The following HECW2 variants were observed in gnomAD, a reference collection of about 807,000 sequenced individuals.
HECW2 encodes E3 ubiquitin-protein ligase HECW2.
HECW2 carries 61 observed loss-of-function variants against 175.2 expected under a neutral mutation model. The observed-to-expected ratio is 0.35, with a 90% CI of 0.28 to 0.43. HECW2 has a LOEUF of 0.43. Ranked by LOEUF, HECW2 falls within the 20% of genes least tolerant of loss-of-function variation. The pLI, the probability that HECW2 is intolerant of heterozygous loss-of-function variation, is 1.00. For synonymous variants in HECW2, 671 were observed against 731.0 expected, an observed-to-expected ratio of 0.92 and a Z score of 1.32; for missense variants, 1,524 against 2,000.5, an observed-to-expected ratio of 0.76 and a Z score of 4.54.
chr2:196,366,156 T>A (rs1335825794), intron 2 of HECW2, among the ~76,000 whole-genome samples: 1 of 152,314 alleles, frequency 6.6e-6, no homozygotes, highest in South Asian at 2.1e-4. Flanking sequence ...AGGAACTTGA[T>A]CAAGGGAGCA....
chr2:196,435,958 C>CT (rs1291813810), intron 1 of HECW2, among the ~76,000 whole-genome samples: 2 of 152,198 alleles, frequency 1.3e-5, no homozygotes, highest in Admixed American at 6.5e-5. Context: ...TTAATACTCC[C>CT]ATAATTCCCA....
chr2:196,238,244 A>G (rs1291154475), intron 21 of HECW2, among the ~76,000 whole-genome samples: 3 of 152,028 alleles, frequency 2.0e-5, no homozygotes, highest in Non-Finnish European at 4.4e-5. Context: ...ACAAAACAAA[A>G]CAAAACAAAA....
At chr2:196,360,577 A>G (rs1325700043) in intron 2 of HECW2, among the ~76,000 whole-genome samples, 1 of 151,830 alleles carries the variant, frequency 6.6e-6, no homozygotes, top group Admixed American at 6.6e-5. Context: ...AGAGGATCAG[A>G]AAAAAAAATT....
intron 2 of HECW2, among the ~76,000 whole-genome samples, chr2:196,364,722 A>G (rs779032559): frequency 1.3e-5 from 2 of 152,264 alleles, no homozygotes; most frequent in Non-Finnish European, 2.9e-5. Flanking sequence ...CACAGAGCTT[A>G]TATTTTAAAG....
Position 196,414,812 on chromosome 2 carries a change from C to T in HECW2, c.292+18320G>A, listed in dbSNP as rs78806213. ...GTGTTCTTGCCCCAACAACTCAAAC[C>T]GTGCAGGTTATTGTCAGCACAGCCC... On this transcript the variant is annotated intron_variant, in intron 2 of 28. Coordinates refer to ENST00000644978, the MANE Select transcript of HECW2 (RefSeq NM_001348768.2). 2.2e-4 allele frequency among the ~76,000 whole-genome samples: 34 copies of T among 152,268 alleles called. No individual in the cohort carries two copies. The East Asian group carries it at 5.8e-3, about 26-fold the overall frequency.
At chr2:196,262,347 A>T (rs1481818781) in intron 17 of HECW2, among the ~76,000 whole-genome samples, 1 of 152,122 alleles carries the variant, frequency 6.6e-6, no homozygotes, top group East Asian at 1.9e-4. Context: ...TTCTTAACAA[A>T]GAAATTCAAT....
At chr2:196,361,696 A>C in intron 2 of HECW2, 1 of 607,174 alleles carries the variant, frequency 1.6e-6, no homozygotes, top group Non-Finnish European at 2.1e-6. Context: ...CTGGGAGGGG[A>C]CCACTTTTAA....
intron 1 of HECW2, among the ~76,000 whole-genome samples, chr2:196,528,061 A>G (rs1478852031): frequency 6.6e-6 from 1 of 152,212 alleles, no homozygotes; most frequent in African/African-American, 2.4e-5. Context: ...TGAGTCCCAT[A>G]GCAGGAACTA....
At chr2:196,486,226 A>C (rs1687000773) in intron 1 of HECW2, among the ~76,000 whole-genome samples, 1 of 152,246 alleles carries the variant, frequency 6.6e-6, no homozygotes, top group Non-Finnish European at 1.5e-5. Context: ...AAAATGTTCT[A>C]GAAGTTCTAG....
intron 1 of HECW2, among the ~76,000 whole-genome samples, chr2:196,530,454 A>C (rs1486836790): frequency 6.6e-6 from 1 of 152,188 alleles, no homozygotes; most frequent in Non-Finnish European, 1.5e-5. Flanking sequence ...TCTCACCTGG[A>C]TTACAGCAAT....
chr2:196,262,833 AC>A (rs919600075), intron 17 of HECW2, among the ~76,000 whole-genome samples: 1 of 152,196 alleles, frequency 6.6e-6, no homozygotes, highest in African/African-American at 2.4e-5. Context: ...AGCTGGGATT[AC>A]AGGCACGAGC....
intron 2 of HECW2, among the ~76,000 whole-genome samples, chr2:196,399,664 A>G (rs1694765055): frequency 6.6e-6 from 1 of 152,206 alleles, no homozygotes; most frequent in South Asian, 2.1e-4. Flanking sequence ...AACAAAAACA[A>G]AAGTGGGATT....
In HECW2 at chr2:196,319,576, C is replaced by G. The variant is rs1691858634; in HGVS notation, c.1314G>C (p.Glu438Asp). ...GTTTCGGAGAGGCACCCATGGACCT[C>G]TCAGAGCAGGTCGCTGTCCCCGGCC... ...HSRPGTATCS[E>D]RSMGASPKLR... is the part of the protein sequence containing the mutation. Residue 438 changes from glutamate to aspartate, a missense_variant, in exon 9 of 29, where the codon GAG (glutamate) becomes GAC (aspartate). This residue lies in a region of HECW2 where 604 missense variants were observed against 588.3 expected (regional missense o/e 1.03). Transcript: ENST00000644978. 6.2e-7 allele frequency: 1 copy of G among 1,614,222 alleles called. No homozygotes were observed.
chr2:196,208,081 G>C (rs1687135489), intron 28 of HECW2, among the ~76,000 whole-genome samples: 1 of 152,148 alleles, frequency 6.6e-6, no homozygotes, highest in Non-Finnish European at 1.5e-5. Flanking sequence ...AAACACGCTG[G>C]GTGAATATGG....
intron 14 of HECW2, chr2:196,291,448 T>C (rs1274498571): frequency 6.6e-6 from 1 of 152,254 alleles, no homozygotes. Flanking sequence ...TTCATGAGAA[T>C]GACAGTTCTA....
chr2:196,541,731 GTT>G (rs200576096), intron 1 of HECW2, among the ~76,000 whole-genome samples: 2 of 147,066 alleles, frequency 1.4e-5, no homozygotes, highest in Non-Finnish European at 1.5e-5. Context: ...ACATTTAAAG[GTT>G]TTTTTTTTTG....
chr2:196,227,998 T>G, intron 22 of HECW2, 104 bp downstream of exon 22: 1 of 1,098,392 alleles, frequency 9.1e-7, no homozygotes, highest in Non-Finnish European at 1.3e-6. Flanking sequence ...AAATATGACT[T>G]TGCCCAAGGG....
intron 1 of HECW2, among the ~76,000 whole-genome samples, chr2:196,588,890 T>C (rs766660630): frequency 3.3e-5 from 5 of 152,108 alleles, no homozygotes; most frequent in Non-Finnish European, 5.9e-5. Flanking sequence ...TTAAATTACA[T>C]AGTCATCCTA....
chr2:196,577,333 T>G (rs1690597750), intron 1 of HECW2, among the ~76,000 whole-genome samples: 1 of 152,214 alleles, frequency 6.6e-6, no homozygotes, highest in South Asian at 2.1e-4. Flanking sequence ...ACCTTTATTT[T>G]TACTTTTGCA....
Sources: gnomAD v4.1 joint callset for allele counts (sites outside exome capture counted in the v4.1 genomes callset) on GRCh38, gnomAD v4.1.1 for gene constraint, gnomAD v4.1.1 regional missense constraint, MANE v1.5 for transcripts, NCBI Gene and HGNC (gene_info 2026-07-23, HGNC 2026-07-21) for gene names.